The following MAPK10 variants were observed in gnomAD, a reference collection of about 807,000 sequenced individuals.
MAPK10 encodes the protein mitogen-activated protein kinase 10.
MAPK10 carries 25 observed loss-of-function variants against 59.3 expected under a neutral mutation model. The observed-to-expected ratio is 0.42, with a 90% CI of 0.31 to 0.59. The LOEUF (loss-of-function observed/expected upper bound fraction) is 0.59, where lower values mean the gene tolerates loss of function less well. Among genes scored for constraint, MAPK10 ranks in the 20% least tolerant of loss-of-function variants. MAPK10 has a pLI of 0.15. For synonymous variants in MAPK10, 190 were observed against 200.5 expected (o/e 0.95, Z 0.44); for missense variants, 351 against 568.9 (o/e 0.62, Z 3.90).
intron 2 of MAPK10, among the ~76,000 whole-genome samples, chr4:86,351,396 A>AACACAAACAC (rs1162627590): frequency 7.5e-6 from 1 of 132,456 alleles, no homozygotes; most frequent in Non-Finnish European, 1.6e-5. Flanking sequence ...TGTATACACA[A>AACACAAACAC]ACACACACAC....
intron 1 of MAPK10, among the ~76,000 whole-genome samples, chr4:86,390,682 T>C (rs1156582922): frequency 6.6e-6 from 1 of 152,156 alleles, no homozygotes; most frequent in Non-Finnish European, 1.5e-5. Context: ...TGCCCAGATA[T>C]GGGTACAAGA....
chr4:86,187,864 A>ATGTG (rs1201614215), intron 3 of MAPK10, among the ~76,000 whole-genome samples: 7 of 152,064 alleles, frequency 4.6e-5, no homozygotes, highest in Non-Finnish European at 7.4e-5. Context: ...GGTTTGCTGC[A>ATGTG]CCCATCAATC....
intron 2 of MAPK10, among the ~76,000 whole-genome samples, chr4:86,211,267 G>A (rs1191401556): frequency 1.3e-5 from 2 of 151,982 alleles, no homozygotes; most frequent in Non-Finnish European, 2.9e-5. Context: ...AAGACCCCAT[G>A]CTAAGACACA....
At chr4:86,418,395 A>G (rs555254780) in intron 1 of MAPK10, among the ~76,000 whole-genome samples, 1 of 152,212 alleles carries the variant, frequency 6.6e-6, no homozygotes, top group Admixed American at 6.5e-5. Context: ...ATTTTTATGC[A>G]TCAACTAGAG....
intron 8 of MAPK10, 69 bp downstream of exon 8, chr4:86,100,983 C>G (rs1388831014): frequency 2.0e-5 from 28 of 1,366,324 alleles, no homozygotes; most frequent in Non-Finnish European, 2.8e-5. Context: ...AGAACATTCC[C>G]CTTGGCTATC....
intron 4 of MAPK10, among the ~76,000 whole-genome samples, chr4:86,143,203 C>T (rs777242026): frequency 6.6e-6 from 1 of 152,142 alleles, no homozygotes; most frequent in Non-Finnish European, 1.5e-5. Flanking sequence ...ATCACTATCA[C>T]AAGAACAGCA....
At chr4:86,480,722 T>C (rs940949347) in intron 1 of MAPK10, among the ~76,000 whole-genome samples, 1 of 152,214 alleles carries the variant, frequency 6.6e-6, no homozygotes, top group East Asian at 1.9e-4. Flanking sequence ...AGGTGATATC[T>C]TTCCTCATCC....
intron 3 of MAPK10, among the ~76,000 whole-genome samples, chr4:86,182,502 T>C (rs529664636): frequency 1.3e-5 from 2 of 152,244 alleles, no homozygotes; most frequent in South Asian, 4.1e-4. Context: ...GAGTATTGTC[T>C]GTTGGGCAAA....
In MAPK10 at chr4:86,255,033, C is replaced by T. The variant is rs577698374; in HGVS notation, c.-6-60626G>A. 5.3e-4 allele frequency among the ~76,000 whole-genome samples: 81 copies of T among 151,864 alleles called. 2 individuals carry two copies. Among genetic ancestry groups the T allele is most frequent in the African/African-American group, 1.9e-3 (79 of 41,414 alleles). ...ATCTGCTGAATCAGAGTAACATATC[C>T]TTGGGATTCTATTTTCCAAAGAAAA... On this transcript the variant is annotated intron_variant, in intron 2 of 13. Transcript: ENST00000641462.
At chr4:86,305,408 C>T (rs959695846) in intron 2 of MAPK10, among the ~76,000 whole-genome samples, 1 of 152,100 alleles carries the variant, frequency 6.6e-6, no homozygotes, top group Non-Finnish European at 1.5e-5. Context: ...GAATCATTTT[C>T]AATAACTAAA....
chr4:86,382,000 C>T (rs1447533367), intron 1 of MAPK10, among the ~76,000 whole-genome samples: 4 of 152,096 alleles, frequency 2.6e-5, no homozygotes, highest in Admixed American at 6.5e-5. Flanking sequence ...TACAGTGGCG[C>T]TATTGACATT....
intron 3 of MAPK10, among the ~76,000 whole-genome samples, chr4:86,172,506 T>G: frequency 6.8e-6 from 1 of 147,752 alleles, no homozygotes; most frequent in African/African-American, 2.5e-5. Flanking sequence ...TTCTCACTCA[T>G]GGGTGGGAAT....
rs542446254 is a variant in MAPK10 at position 86,055,802 on chromosome 4, G to A, written c.1110+8464C>T. On this transcript the variant is annotated intron_variant, in intron 11 of 13. Coordinates refer to ENST00000641462, the MANE Select transcript of MAPK10 (RefSeq NM_138982.4). ...AAAATCCTTAAGTAACTCAAGTTTT[G>A]CAGTTTATGCTTATTTAAATATTTG... Among the ~76,000 whole-genome samples, 135 of 149,700 alleles carry A rather than the reference G, an allele frequency of 9.0e-4. 6 individuals are homozygous for A. The highest frequency in any genetic ancestry group is 1.4e-3 in the Non-Finnish European group (93 of 67,432).
intron 1 of MAPK10, among the ~76,000 whole-genome samples, chr4:86,553,141 A>C (rs1759988082): frequency 6.6e-6 from 1 of 152,134 alleles, no homozygotes; most frequent in Non-Finnish European, 1.5e-5. Context: ...CTAAGAACTG[A>C]GTTAGAATTT....
intron 8 of MAPK10, chr4:86,099,149 T>C (rs1442472354): frequency 6.6e-6 from 1 of 152,284 alleles, no homozygotes; most frequent in East Asian, 1.9e-4. Flanking sequence ...GGCAAAAGAA[T>C]TGGAATTCCT....
chr4:86,265,106 G>T (rs1448494405), intron 2 of MAPK10, among the ~76,000 whole-genome samples: 1 of 151,842 alleles, frequency 6.6e-6, no homozygotes, highest in Non-Finnish European at 1.5e-5. Flanking sequence ...GGCCAGGATG[G>T]TCTCGATCTC....
chr4:86,550,137 A>G (rs1290715664), intron 1 of MAPK10, among the ~76,000 whole-genome samples: 1 of 152,012 alleles, frequency 6.6e-6, no homozygotes, highest in Admixed American at 6.6e-5. Flanking sequence ...CAGGGCTTAT[A>G]CCCAAGAGTG....
At chr4:86,574,809 A>T (rs1358300819) in intron 1 of MAPK10, among the ~76,000 whole-genome samples, 1 of 152,028 alleles carries the variant, frequency 6.6e-6, no homozygotes, top group Admixed American at 6.6e-5. Context: ...GAGAATGCTG[A>T]TAGTTTTATT....
rs188222513 is a variant in MAPK10 at position 86,187,794 on chromosome 4, G to T, written c.66+6542C>A. On this transcript the variant is annotated intron_variant, in intron 3 of 13. Transcript: ENST00000641462. ...ACTTTTTTAAAAACTTATACTTTAA[G>T]TTCTGCGATACATGTGCAGAACATG... 4.0e-3 allele frequency among the ~76,000 whole-genome samples: 604 copies of T among 152,036 alleles called. 4 individuals are homozygous for T. The highest frequency in any genetic ancestry group is 0.018 in the Admixed American group (272 of 15,258).
Sources: allele counts gnomAD v4.1 joint callset (sites outside exome capture counted in the v4.1 genomes callset), GRCh38; gene constraint gnomAD v4.1.1; transcripts MANE v1.5; gene names NCBI Gene and HGNC (gene_info 2026-07-23, HGNC 2026-07-21).